Variants in EPG5 observed in about 807,000 individuals in gnomAD.
EPG5 encodes the protein ectopic P granules protein 5 homolog.
EPG5 carries 159 observed loss-of-function variants against 302.7 expected under a neutral mutation model. The observed-to-expected ratio is 0.53, with a 90% CI of 0.46 to 0.60. The LOEUF (loss-of-function observed/expected upper bound fraction) is 0.60. Among genes scored for constraint, EPG5 ranks in the 20% least tolerant of loss-of-function variants. The pLI is 0.00. For synonymous variants in EPG5, 1,158 were observed against 1,136.8 expected (o/e 1.02, Z -0.37); for missense variants, 2,896 against 3,092.4 (o/e 0.94, Z 1.51).
At chr18:45,927,593 T>TATACAC (rs751518256) in intron 13 of EPG5, among the ~76,000 whole-genome samples, 2,108 of 133,490 alleles carry the variant, frequency 0.016, 27 homozygotes, top group African/African-American at 0.036. Flanking sequence ...CAAAAAGTTA[T>TATACAC]ACACACACAC....
chr18:45,915,744 G>A (rs1046289396), intron 19 of EPG5, 123 bp from the exon 20 acceptor site: 3 of 785,822 alleles, frequency 3.8e-6, no homozygotes, highest in Non-Finnish European at 6.2e-6. Flanking sequence ...GAGATTTCAA[G>A]GATGAGTCCA....
chr18:45,909,215 T>C (rs2049833411), intron 23 of EPG5, among the ~76,000 whole-genome samples: 1 of 152,162 alleles, frequency 6.6e-6, no homozygotes, highest in Non-Finnish European at 1.5e-5. Context: ...GGTTGCTAAG[T>C]AGTTCTCTCC....
chr18:45,899,270 A>G, intron 27 of EPG5, 134 bp downstream of exon 27: 1 of 1,003,094 alleles, frequency 1.0e-6, no homozygotes, highest in Non-Finnish European at 1.5e-6. Context: ...GAGTGTTTTC[A>G]TGCCCTGCAA....
intron 26 of EPG5, 101 bp downstream of exon 26, chr18:45,900,895 T>A: frequency 7.5e-7 from 1 of 1,331,794 alleles, no homozygotes. Flanking sequence ...ACTATCCTCA[T>A]TGTAAAAATG....
chr18:45,863,709 T>C (rs910086721), intron 39 of EPG5, among the ~76,000 whole-genome samples: 34 of 152,360 alleles, frequency 2.2e-4, no homozygotes, highest in African/African-American at 8.2e-4. Context: ...CACATTGAAG[T>C]TGTTATCCCA....
the EPG5 span, among the ~76,000 whole-genome samples, chr18:45,826,597 A>G: frequency 5.9e-5 from 9 of 152,166 alleles, no homozygotes; most frequent in Non-Finnish European, 1.0e-4. Flanking sequence ...TCCAGATCCC[A>G]GTCCTTACCC....
At chr18:45,935,038 C>T (rs2050487898) in intron 10 of EPG5, 72 bp from the exon 11 acceptor site, 1 of 1,435,846 alleles carries the variant, frequency 7.0e-7, no homozygotes, top group Non-Finnish European at 9.4e-7. Context: ...AAACCATTGG[C>T]TCTCAAGGAA....
At chr18:45,861,802 C>T (rs2048642192) in intron 39 of EPG5, among the ~76,000 whole-genome samples, 1 of 151,994 alleles carries the variant, frequency 6.6e-6, no homozygotes, top group African/African-American at 2.4e-5. Flanking sequence ...GGGTCTTGTC[C>T]ATTTTTTTCT....
intron 1 of EPG5, 68 bp downstream of exon 1, chr18:45,967,109 G>C: frequency 6.8e-7 from 1 of 1,477,422 alleles, no homozygotes; most frequent in Non-Finnish European, 9.2e-7. Context: ...TGGCTGGGGA[G>C]GCCGAAGAGA....
At chr18:45,949,990 C>T (rs1480619351) in intron 4 of EPG5, among the ~76,000 whole-genome samples, 3 of 152,164 alleles carry the variant, frequency 2.0e-5, no homozygotes, top group Non-Finnish European at 2.9e-5. Context: ...AAGGCAGCCC[C>T]ACTGAAAACA....
At position 45,934,921 on chromosome 18, in the gene EPG5, C is replaced by G; in HGVS notation, c.2145G>C (p.Leu715=). 1 of 1,614,102 alleles carries G rather than the reference C, an allele frequency of 6.2e-7. No individual in the cohort carries two copies. The highest frequency in any genetic ancestry group is 8.5e-7 in the Non-Finnish European group (1 of 1,180,014). ...AGAGCTTCCACAGCATTTGCACAGA[C>G]AGAGTCCCAAAGGGCATCTCGGACA... ...LFMSEMPFGT[L]SVQMLWKLFY... is the part of the protein sequence containing the mutation. Residue 715 remains leucine (L), a synonymous_variant, in exon 11 of 44, where the codon CTG becomes CTC. Coordinates refer to ENST00000282041, the MANE Select transcript of EPG5 (RefSeq NM_020964.3).
intron 42 of EPG5, 150 bp from the exon 43 acceptor site, chr18:45,855,837 CAAG>C (rs1362666046): frequency 2.6e-5 from 16 of 609,748 alleles, no homozygotes; most frequent in African/African-American, 1.7e-4. Context: ...TAAATATGAT[CAAG>C]AAGAAGTTTT....
the EPG5 span, among the ~76,000 whole-genome samples, chr18:45,810,676 G>T: frequency 6.6e-6 from 1 of 152,136 alleles, no homozygotes; most frequent in Non-Finnish European, 1.5e-5. Context: ...AGCTACTCAG[G>T]AAGCTGAGAC....
the EPG5 span, chr18:45,840,766 G>A: frequency 6.5e-6 from 1 of 152,820 alleles, no homozygotes; most frequent in African/African-American, 2.4e-5. Context: ...CCTGGCAGAG[G>A]GTAGGAGTGG....
chr18:45,886,994 C>T (rs2049232063), intron 29 of EPG5, among the ~76,000 whole-genome samples: 1 of 152,042 alleles, frequency 6.6e-6, no homozygotes, highest in South Asian at 2.1e-4. Context: ...TAAAAAACTT[C>T]CTACAAAAAA....
chr18:45,882,356 A>T lies in EPG5; in HGVS notation c.5436T>A (p.Asn1812Lys), dbSNP rs2049115623. The change falls in exon 31 of 44, where the codon AAT (asparagine) becomes AAA (lysine). Residue 1812 changes from asparagine (N) to lysine (K), a missense_variant. Around this residue, in one of 5 missense-constraint regions of EPG5, gnomAD observed 790 missense variants for 798.0 expected, o/e 0.99. Transcript: ENST00000282041. ...EPDEDILMPF[N>K]LFCKHWTYLL... The stretch of plus-strand genomic sequence containing the variant: ...GATAAGTCCAGTGCTTACAGAAAAG[A>T]TTAAATGGCATCAAAATATCCTCAT... 6.2e-7 allele frequency: 1 copy of T among 1,614,232 alleles called. No individual in the cohort carries two copies. Among genetic ancestry groups the T allele is most frequent in the Non-Finnish European group, 8.5e-7 (1 of 1,180,048 alleles).
chr18:45,803,906 G>C, the EPG5 span, among the ~76,000 whole-genome samples: 1 of 152,134 alleles, frequency 6.6e-6, no homozygotes, highest in South Asian at 2.1e-4. Context: ...AAAATTTCTT[G>C]ACATATTGAG....
intron 21 of EPG5, among the ~76,000 whole-genome samples, chr18:45,913,357 C>G (rs1450612808): frequency 6.6e-6 from 1 of 152,082 alleles, no homozygotes; most frequent in Non-Finnish European, 1.5e-5. Flanking sequence ...AAAAAATAAC[C>G]TCCTTGTCCC....
At chr18:45,837,501 C>T in the EPG5 span, 4 of 1,479,080 alleles carry the variant, frequency 2.7e-6, no homozygotes, top group Admixed American at 2.5e-5. Context: ...ACGCAGCCCG[C>T]CCCGCCCTCA....
Sources: gnomAD v4.1 joint callset for allele counts (sites outside exome capture counted in the v4.1 genomes callset) on GRCh38, gnomAD v4.1.1 for gene constraint, gnomAD v4.1.1 regional missense constraint, MANE v1.5 for transcripts, NCBI Gene and HGNC (gene_info 2026-07-23, HGNC 2026-07-21) for gene names.